RALGPS1: variants seen among roughly 807,000 people sequenced by gnomAD.
The protein encoded by RALGPS1 is Ral GEF with PH domain and SH3 binding motif 1.
A neutral mutation model predicts 78.8 loss-of-function variants in RALGPS1; 19 were observed. The ratio of observed to expected loss-of-function variants is 0.24; its 90% CI spans 0.17 to 0.35. The LOEUF (loss-of-function observed/expected upper bound fraction) is 0.35, where lower values mean the gene tolerates loss of function less well. RALGPS1 is among the 10% of genes least tolerant of loss of function. The pLI is 1.00. For missense variants in RALGPS1, 454 were observed against 688.3 expected (o/e 0.66, Z 3.81); for synonymous variants, 228 against 256.3 (o/e 0.89, Z 1.06).
At chr9:127,035,278 T>G (rs549515590) in intron 5 of RALGPS1, among the ~76,000 whole-genome samples, 1 of 152,298 alleles carries the variant, frequency 6.6e-6, no homozygotes, top group African/African-American at 2.4e-5. Context: ...GATGGCCTGA[T>G]CCCTGGCCTT....
At position 126,987,198 on chromosome 9, in the gene RALGPS1, G is replaced by A. The variant is rs189094313; in HGVS notation, c.216+9453G>A. 3.7e-4 allele frequency among the ~76,000 whole-genome samples: 56 copies of A among 152,248 alleles called. 1 individual carries two copies. The East Asian group carries it at 0.01, about 28-fold the overall frequency. On this transcript the variant is annotated intron_variant, in intron 4 of 18. Coordinates refer to ENST00000259351, the MANE Select transcript of RALGPS1 (RefSeq NM_014636.3). ...ATCCTGGTGCCCTGGATAGCTGGGA[G>A]GCTGAGGTCTGGACCAAGACATACA...
chr9:127,124,766 C>A (rs1435820735), intron 8 of RALGPS1, among the ~76,000 whole-genome samples: 1 of 152,148 alleles, frequency 6.6e-6, no homozygotes, highest in Non-Finnish European at 1.5e-5. Flanking sequence ...TTGAGCAAGA[C>A]AGTGTTGAGA....
At chr9:127,162,122 T>C (rs563173847) in intron 8 of RALGPS1, among the ~76,000 whole-genome samples, 2 of 152,308 alleles carry the variant, frequency 1.3e-5, no homozygotes, top group African/African-American at 4.8e-5. Context: ...AAATATGCCT[T>C]CTCTCATGCA....
chr9:127,082,804 C>G (rs1311514261), intron 8 of RALGPS1, among the ~76,000 whole-genome samples: 1 of 152,008 alleles, frequency 6.6e-6, no homozygotes, highest in Non-Finnish European at 1.5e-5. Flanking sequence ...TGGAAAGCAC[C>G]CTATAGATGA....
chr9:127,108,199 T>G, intron 8 of RALGPS1: 1 of 1,614,040 alleles, frequency 6.2e-7, no homozygotes, highest in Non-Finnish European at 8.5e-7. Flanking sequence ...GTGCTCCAGG[T>G]CCTTGTACTT....
At chr9:127,149,186 G>A (rs1025194956) in intron 8 of RALGPS1, among the ~76,000 whole-genome samples, 7 of 152,216 alleles carry the variant, frequency 4.6e-5, no homozygotes, top group South Asian at 2.1e-4. Flanking sequence ...CAGGCTGGCC[G>A]GCAGAGGGTC....
intron 4 of RALGPS1, among the ~76,000 whole-genome samples, chr9:126,989,134 A>G (rs1448542206): frequency 6.6e-6 from 1 of 152,168 alleles, no homozygotes; most frequent in Admixed American, 6.5e-5. Context: ...AGTCAAGAAG[A>G]GAGCAAAGCA....
intron 1 of RALGPS1, among the ~76,000 whole-genome samples, chr9:126,953,913 G>A (rs1198022509): frequency 6.6e-6 from 1 of 152,148 alleles, no homozygotes; most frequent in Non-Finnish European, 1.5e-5. Flanking sequence ...ATCTGTGATG[G>A]ACATGGGACT....
chr9:127,219,394 G>A lies in RALGPS1; in HGVS notation c.*625G>A, dbSNP rs1564819492. On this transcript the variant is annotated 3_prime_UTR_variant, in exon 19 of 19. Transcript: ENST00000259351. The surrounding 1 kb of genome is among the most constrained non-coding windows in gnomAD (Gnocchi z 5.0). Reference sequence around the variant, plus strand: ...GTTATAGCCCTGTCCACCGAGGAAGGTCAGGGTGAGAGCCTAGATTCCTCC... The same window carrying A: ...GTTATAGCCCTGTCCACCGAGGAAGATCAGGGTGAGAGCCTAGATTCCTCC... The A allele has an allele frequency of 6.5e-6, 1 of 153,456 alleles. No individual in the cohort carries two copies. The highest frequency in any genetic ancestry group is 6.5e-5 in the Admixed American group (1 of 15,404). The allele number at this position is 153,456 out of a possible 1,614,324, so 9.5% of individuals were successfully genotyped here. A position where few individuals can be genotyped will look rare whatever the true frequency, so the allele number is the denominator to read the frequency against.
chr9:127,188,788 G>A (rs1246131044), intron 11 of RALGPS1, among the ~76,000 whole-genome samples: 3 of 132,492 alleles, frequency 2.3e-5, no homozygotes, highest in South Asian at 5.3e-4. Flanking sequence ...CAACATGGTC[G>A]CAAAACCCCA....
chr9:127,162,893 C>T (rs2059102227), intron 8 of RALGPS1, among the ~76,000 whole-genome samples: 1 of 152,150 alleles, frequency 6.6e-6, no homozygotes, highest in Non-Finnish European at 1.5e-5. Context: ...GGTGCAGCAG[C>T]CTGATAGACC....
intron 4 of RALGPS1, among the ~76,000 whole-genome samples, chr9:126,986,079 A>G (rs909386251): frequency 6.6e-6 from 1 of 152,220 alleles, no homozygotes; most frequent in Non-Finnish European, 1.5e-5. Flanking sequence ...ACATTTCCAA[A>G]TGCAGTTGAT....
Position 127,091,657 on chromosome 9 carries a change from C to G in RALGPS1, c.610+22301C>G, listed in dbSNP as rs1460464066. On this transcript the variant is annotated intron_variant, in intron 8 of 18. Coordinates refer to ENST00000259351, the MANE Select transcript of RALGPS1 (RefSeq NM_014636.3). The surrounding 1 kb of genome is among the most constrained non-coding windows in gnomAD (Gnocchi z 4.3). ...CCCTACCCTGCACCTGGGTTTGACT[C>G]CACTTTTCCTACCTGTGTAGACATC... is the stretch of plus-strand genomic sequence containing the variant. The G allele has an allele frequency of 1.2e-6, 2 of 1,608,898 alleles. No individual in the cohort carries two copies. The highest frequency in any genetic ancestry group is 2.7e-5 in the African/African-American group (2 of 74,780).
At chr9:127,099,950 T>C (rs1447860826) in intron 8 of RALGPS1, among the ~76,000 whole-genome samples, 2 of 152,220 alleles carry the variant, frequency 1.3e-5, no homozygotes, top group African/African-American at 4.8e-5. Context: ...GTTTGAGGCC[T>C]AAAAAGACTT....
rs1258675991 is a variant in RALGPS1 at position 127,222,803 on chromosome 9, AGTT to A, written c.*4035_*4037del. 6.5e-6 allele frequency: 1 copy of A among 152,688 alleles called. No homozygotes were observed. Among genetic ancestry groups the A allele is most frequent in the East Asian group, 1.9e-4 (1 of 5,200 alleles). 9.5% of individuals were successfully genotyped at this position (152,688 alleles called of 1,614,324 possible). A position where few individuals can be genotyped will look rare whatever the true frequency, so the allele number is the denominator to read the frequency against. On this transcript the variant is annotated 3_prime_UTR_variant, in exon 19 of 19. Coordinates refer to ENST00000259351, the MANE Select transcript of RALGPS1 (RefSeq NM_014636.3). ...GCATTCAAAATGTTGCATAGAGAGTAGTTTTCAATTTCTTATGTACTCTTCGAA... is the reference window on the plus strand; with the variant it reads ...GCATTCAAAATGTTGCATAGAGAGTATTCAATTTCTTATGTACTCTTCGAA...
intron 8 of RALGPS1, chr9:127,087,878 G>A (rs1186962759): frequency 6.6e-6 from 1 of 152,578 alleles, no homozygotes; most frequent in Non-Finnish European, 1.5e-5. Context: ...TGGCCAGATA[G>A]GTTATTATTT....
intron 7 of RALGPS1, among the ~76,000 whole-genome samples, chr9:127,065,569 C>T (rs1343225357): frequency 1.3e-5 from 2 of 152,180 alleles, no homozygotes; most frequent in Non-Finnish European, 2.9e-5. Flanking sequence ...CTTATCCTAT[C>T]TACCAGATAT....
intron 8 of RALGPS1, chr9:127,108,093 G>A (rs181669945): frequency 1.0e-5 from 16 of 1,597,206 alleles, no homozygotes; most frequent in Admixed American, 1.7e-5. Flanking sequence ...GTGGCTGGGG[G>A]ACGGGCCTGG....
At chr9:127,089,268 G>T in intron 8 of RALGPS1, 1 of 896,084 alleles carries the variant, frequency 1.1e-6, no homozygotes, top group Non-Finnish European at 1.7e-6. Flanking sequence ...AGGTGGACCC[G>T]TCTCCATGGG....
Sources: allele counts gnomAD v4.1 joint callset (sites outside exome capture counted in the v4.1 genomes callset), GRCh38; gene constraint gnomAD v4.1.1; non-coding constraint Gnocchi (gnomAD v3.1); transcripts MANE v1.5; gene names NCBI Gene and HGNC (gene_info 2026-07-23, HGNC 2026-07-21).